Variants in ADGRB3 observed in about 807,000 individuals in gnomAD.
ADGRB3 encodes brain-specific angiogenesis inhibitor 3.
A neutral mutation model predicts 193.4 loss-of-function variants in ADGRB3; 37 were observed. The ratio of observed to expected loss-of-function variants is 0.19; its 90% confidence interval spans 0.15 to 0.25. The LOEUF (loss-of-function observed/expected upper bound fraction) is 0.25. ADGRB3 is among the 10% of genes least tolerant of loss of function. ADGRB3 has a pLI of 1.00. For missense variants in ADGRB3, 1,637 were observed against 1,852.9 expected (o/e 0.88, Z 2.14); for synonymous variants, 690 against 644.2 (o/e 1.07, Z -1.08).
At position 69,233,260 on chromosome 6, in the gene ADGRB3, G is replaced by C. The variant is rs781615276; in HGVS notation, c.2481-30G>C. On this transcript the variant is annotated intron_variant, in intron 17 of 31. Coordinates refer to ENST00000370598, the MANE Select transcript of ADGRB3 (RefSeq NM_001704.3). Reference sequence around the variant, plus strand: ...TTTGGCTATCAGGCGTATTTATCCCGATTTCCTCCCCCCTCACTCCCCTTT... The same window carrying C: ...TTTGGCTATCAGGCGTATTTATCCCCATTTCCTCCCCCCTCACTCCCCTTT... 6.2e-6 allele frequency: 10 copies of C among 1,608,510 alleles called. No homozygotes were observed. In the South Asian group the frequency reaches 8.9e-5, roughly 14 times the overall value.
intron 10 of ADGRB3, among the ~76,000 whole-genome samples, chr6:68,980,877 C>T (rs1447187536): frequency 6.6e-6 from 1 of 151,414 alleles, no homozygotes; most frequent in African/African-American, 2.4e-5. Context: ...TTAATCCTGA[C>T]AACATTATTA....
intron 3 of ADGRB3, among the ~76,000 whole-genome samples, chr6:68,686,486 A>AT (rs1030273376): frequency 3.0e-4 from 45 of 151,742 alleles, no homozygotes; most frequent in Middle Eastern, 3.4e-3. Flanking sequence ...TCCTGTTACA[A>AT]TTTTTTTTGC....
At chr6:69,068,557 T>C (rs888828249) in intron 16 of ADGRB3, among the ~76,000 whole-genome samples, 2 of 152,180 alleles carry the variant, frequency 1.3e-5, no homozygotes, top group Non-Finnish European at 2.9e-5. Flanking sequence ...CTGAGACATA[T>C]ATGTGGAGGC....
intron 17 of ADGRB3, among the ~76,000 whole-genome samples, chr6:69,136,935 GA>G (rs981808128): frequency 5.9e-5 from 9 of 151,996 alleles, no homozygotes; most frequent in Admixed American, 3.9e-4. Context: ...ATTGAGTACA[GA>G]ACCGATTTCA....
At chr6:69,070,601 G>A (rs1175763114) in intron 16 of ADGRB3, among the ~76,000 whole-genome samples, 1 of 152,148 alleles carries the variant, frequency 6.6e-6, no homozygotes, top group African/African-American at 2.4e-5. Flanking sequence ...ATCATGAGCA[G>A]TGATTCTCTA....
intron 17 of ADGRB3, among the ~76,000 whole-genome samples, chr6:69,116,301 T>C (rs1291351924): frequency 1.3e-5 from 2 of 152,186 alleles, no homozygotes; most frequent in Admixed American, 6.5e-5. Flanking sequence ...CATCATAACC[T>C]AGCCAAGCCA....
chr6:68,836,952 T>C (rs2127385932), intron 3 of ADGRB3, among the ~76,000 whole-genome samples: 1 of 152,286 alleles, frequency 6.6e-6, no homozygotes. Context: ...CCATATGCCT[T>C]CAAAAAAGTA....
At chr6:69,135,923 A>G (rs1774137035) in intron 17 of ADGRB3, among the ~76,000 whole-genome samples, 1 of 152,116 alleles carries the variant, frequency 6.6e-6, no homozygotes, top group Non-Finnish European at 1.5e-5. Flanking sequence ...TGTGATTGAA[A>G]TGAAATCCAA....
At chr6:69,038,298 T>C (rs1484187063) in intron 13 of ADGRB3, among the ~76,000 whole-genome samples, 1 of 151,398 alleles carries the variant, frequency 6.6e-6, no homozygotes, top group African/African-American at 2.4e-5. Flanking sequence ...TGAACAACCT[T>C]GAGTATCAAA....
intron 17 of ADGRB3, among the ~76,000 whole-genome samples, chr6:69,180,564 G>T (rs989310048): frequency 1.3e-5 from 2 of 152,262 alleles, no homozygotes; most frequent in Middle Eastern, 3.4e-3. Flanking sequence ...AGAGAGCCCT[G>T]CTCCATCATT....
At chr6:69,122,486 G>A (rs765008366) in intron 17 of ADGRB3, among the ~76,000 whole-genome samples, 441 of 43,140 alleles carry the variant, frequency 0.01, no homozygotes, top group Middle Eastern at 0.026. Flanking sequence ...GGGGGAGGGG[G>A]GAGGGGGAGG....
intron 17 of ADGRB3, among the ~76,000 whole-genome samples, chr6:69,229,505 G>C (rs1051756185): frequency 4.6e-5 from 7 of 152,174 alleles, no homozygotes; most frequent in African/African-American, 1.7e-4. Flanking sequence ...AATATCCCAA[G>C]AGTTAATAAA....
chr6:68,901,250 G>C (rs1056817007), intron 3 of ADGRB3, among the ~76,000 whole-genome samples: 1 of 152,050 alleles, frequency 6.6e-6, no homozygotes, highest in Non-Finnish European at 1.5e-5. Flanking sequence ...GTGGGTGGAG[G>C]GGGGTGGGGT....
intron 20 of ADGRB3, among the ~76,000 whole-genome samples, chr6:69,310,652 A>G (rs1382974559): frequency 6.6e-6 from 1 of 151,724 alleles, no homozygotes; most frequent in Non-Finnish European, 1.5e-5. Context: ...GGTGTATGCC[A>G]TAATTTCCGG....
intron 17 of ADGRB3, among the ~76,000 whole-genome samples, chr6:69,191,900 A>T (rs1180290148): frequency 6.6e-6 from 1 of 152,184 alleles, no homozygotes; most frequent in Admixed American, 6.6e-5. Context: ...TTCTGAAACA[A>T]CCGTTAAGTG....
chr6:68,714,058 G>C (rs16880676), intron 3 of ADGRB3, among the ~76,000 whole-genome samples: 17,537 of 151,588 alleles, frequency 0.12, 1,673 homozygotes, highest in East Asian at 0.51. Context: ...TTCTAAAAGA[G>C]TATTTTTTGG....
At chr6:68,696,387 G>T (rs1023681208) in intron 3 of ADGRB3, among the ~76,000 whole-genome samples, 1 of 151,090 alleles carries the variant, frequency 6.6e-6, no homozygotes, top group Admixed American at 6.6e-5. Flanking sequence ...ATAGTTTCCT[G>T]TATTTTTGAA....
rs59476786 is a variant in ADGRB3 at position 68,691,842 on chromosome 6, T to TTA, written c.757+52428_757+52429dup. 1.4e-3 allele frequency among the ~76,000 whole-genome samples: 204 copies of TTA among 148,080 alleles called. 2 individuals are homozygous for TTA. In the East Asian group the frequency reaches 0.016, roughly 12 times the overall value. On this transcript the variant is annotated intron_variant, in intron 3 of 31. Transcript: ENST00000370598. ...TCCTAATCCTTAATTAGAAGGACAATTATATATATATATATATATGTATGT... is the reference window on the plus strand; with the variant it reads ...TCCTAATCCTTAATTAGAAGGACAATTATATATATATATATATATATGTATGT...
chr6:68,645,460 G>C (rs1474432620), intron 3 of ADGRB3, among the ~76,000 whole-genome samples: 1 of 152,032 alleles, frequency 6.6e-6, no homozygotes, highest in South Asian at 2.1e-4. Flanking sequence ...TTTTTTCTAG[G>C]TGTGTCACTT....
Sources: allele counts gnomAD v4.1 joint callset (sites outside exome capture counted in the v4.1 genomes callset), GRCh38; gene constraint gnomAD v4.1.1; transcripts MANE v1.5; gene names NCBI Gene and HGNC (gene_info 2026-07-23, HGNC 2026-07-21).